The following DST variants were observed in gnomAD, a reference collection of about 807,000 sequenced individuals.
DST encodes dystonin, also known as bullous pemphigoid antigen.
DST carries 253 observed loss-of-function variants against 875.2 expected under a neutral mutation model. That is an observed-to-expected ratio of 0.29 (90% CI 0.26 to 0.32). DST has a LOEUF of 0.32. Among genes scored for constraint, DST ranks in the 10% least tolerant of loss-of-function variants. The pLI is 1.00. For missense variants in DST, 8,287 were observed against 9,111.6 expected (o/e 0.91, Z 3.68); for synonymous variants, 3,124 against 3,197.1 (o/e 0.98, Z 0.77).
At chr6:56,764,294 G>A (rs551679441) in intron 4 of DST, among the ~76,000 whole-genome samples, 1 of 152,216 alleles carries the variant, frequency 6.6e-6, no homozygotes, top group Admixed American at 6.5e-5. Flanking sequence ...TCTCCAAAAC[G>A]TTTTCTCTTC....
chr6:56,734,852 C>T (rs975432326), intron 5 of DST, among the ~76,000 whole-genome samples: 9 of 152,076 alleles, frequency 5.9e-5, no homozygotes, highest in Non-Finnish European at 1.0e-4. Flanking sequence ...CCACATAAAC[C>T]TGAGGCCAGA....
intron 9 of DST, among the ~76,000 whole-genome samples, chr6:56,699,225 C>T (rs2099279693): frequency 6.6e-6 from 1 of 152,144 alleles, no homozygotes; most frequent in Admixed American, 6.5e-5. Flanking sequence ...TTCTTCACAT[C>T]TCTTTATAAT....
intron 73 of DST, 128 bp from the exon 74 acceptor site, chr6:56,510,001 C>A: frequency 1.3e-6 from 1 of 741,964 alleles, no homozygotes; most frequent in Non-Finnish European, 2.1e-6. Flanking sequence ...TCTTTATCAA[C>A]AGACCCATTC....
At chr6:56,924,446 TTATC>T (rs2127747493) in intron 2 of DST, among the ~76,000 whole-genome samples, 2 of 152,318 alleles carry the variant, frequency 1.3e-5, no homozygotes, top group South Asian at 4.1e-4. Context: ...ATATTTGTGT[TTATC>T]TGTATGTATA....
chr6:56,689,326 CCT>C (rs1467023753), intron 9 of DST, among the ~76,000 whole-genome samples: 2 of 152,106 alleles, frequency 1.3e-5, no homozygotes, highest in Admixed American at 1.3e-4. Flanking sequence ...GGTGGCAAAG[CCT>C]GACTAGAAGA....
chr6:56,692,164 A>G (rs1045430785), intron 9 of DST, among the ~76,000 whole-genome samples: 6 of 152,202 alleles, frequency 3.9e-5, no homozygotes, highest in African/African-American at 1.2e-4. Flanking sequence ...AATAATGAAA[A>G]TGTACAGGAT....
At chr6:56,853,030 T>C (rs1164783016) in intron 3 of DST, among the ~76,000 whole-genome samples, 1 of 152,188 alleles carries the variant, frequency 6.6e-6, no homozygotes, top group Admixed American at 6.5e-5. Flanking sequence ...TTTTATTTTA[T>C]TTATTTTTCT....
At chr6:56,668,672 G>A (rs2152824415) in intron 10 of DST, among the ~76,000 whole-genome samples, 2 of 152,148 alleles carry the variant, frequency 1.3e-5, no homozygotes, top group East Asian at 3.9e-4. Flanking sequence ...AGAGGCTGAG[G>A]CAGGAGAATC....
chr6:56,598,432 G>T, intron 46 of DST, 44 bp downstream of exon 46: 1 of 1,189,640 alleles, frequency 8.4e-7, no homozygotes, highest in Non-Finnish European at 1.1e-6. Flanking sequence ...TAGCTGTTAA[G>T]CTTTTTGACA....
intron 61 of DST, among the ~76,000 whole-genome samples, chr6:56,544,414 C>T (rs1023288008): frequency 4.6e-5 from 7 of 152,178 alleles, no homozygotes; most frequent in Non-Finnish European, 7.4e-5. Context: ...CAATATTATT[C>T]TAGGCTTATG....
chr6:56,828,681 T>C (rs1226942282), intron 4 of DST, among the ~76,000 whole-genome samples: 1 of 152,182 alleles, frequency 6.6e-6, no homozygotes, highest in African/African-American at 2.4e-5. Flanking sequence ...GACCCTCCTT[T>C]TCTGGACTTT....
At chr6:56,683,132 C>A (rs1037323342) in intron 9 of DST, among the ~76,000 whole-genome samples, 2 of 152,216 alleles carry the variant, frequency 1.3e-5, no homozygotes, top group African/African-American at 4.8e-5. Context: ...AGATTGATTT[C>A]TGTAGGAAGA....
intron 64 of DST, among the ~76,000 whole-genome samples, chr6:56,531,140 T>C (rs2096889656): frequency 6.6e-6 from 1 of 152,178 alleles, no homozygotes; most frequent in African/African-American, 2.4e-5. Flanking sequence ...CTCTGGATTA[T>C]CACTATCTGT....
At chr6:56,699,867 G>A (rs1396809949) in intron 8 of DST, 122 bp from the exon 9 acceptor site, 8 of 530,174 alleles carry the variant, frequency 1.5e-5, no homozygotes, top group Admixed American at 4.0e-5. Context: ...TTAAACACCA[G>A]TAGTCAACTA....
At chr6:56,501,496 CT>C (rs745699637) in intron 79 of DST, 23 bp downstream of exon 79, 85 of 1,446,544 alleles carry the variant, frequency 5.9e-5, no homozygotes, top group Non-Finnish European at 1.1e-5. Flanking sequence ...TTTATAATTT[CT>C]TAAGAAAAGT....
chr6:56,833,554 C>T (rs1300513977), intron 4 of DST, among the ~76,000 whole-genome samples: 1 of 151,958 alleles, frequency 6.6e-6, no homozygotes, highest in Non-Finnish European at 1.5e-5. Flanking sequence ...ATTTTAGACT[C>T]AAGTGTTATA....
chr6:56,500,840 T>A (rs1318962361), intron 80 of DST, among the ~76,000 whole-genome samples: 1 of 152,158 alleles, frequency 6.6e-6, no homozygotes, highest in Non-Finnish European at 1.5e-5. Flanking sequence ...AAATTGCTCA[T>A]CCTTGTTTTG....
chr6:56,772,283 G>A (rs1231844600), intron 4 of DST, among the ~76,000 whole-genome samples: 1 of 152,164 alleles, frequency 6.6e-6, no homozygotes, highest in Admixed American at 6.6e-5. Context: ...ATTATTTCAT[G>A]TGATGGAAAA....
chr6:56,632,123 T>C lies in DST; in HGVS notation c.3806-83A>G, dbSNP rs933854193. 3.8e-6 allele frequency: 4 copies of C among 1,049,690 alleles called. No individual in the cohort carries two copies. In the African/African-American group the frequency reaches 4.8e-5, roughly 13 times the overall value. The allele number at this position is 1,049,690 out of a possible 1,614,324, so 65.0% of individuals were successfully genotyped here. A position where few individuals can be genotyped will look rare whatever the true frequency, so the allele number is the denominator to read the frequency against. On this transcript the variant is annotated intron_variant, in intron 28 of 103. Transcript: ENST00000680361. ...TTTATGTTTTAATATGAGAATTTTA[T>C]ATTACTGGGACACAGCTAGTCAAGC...
Sources: allele counts gnomAD v4.1 joint callset (sites outside exome capture counted in the v4.1 genomes callset), GRCh38; gene constraint gnomAD v4.1.1; transcripts MANE v1.5; gene names NCBI Gene and HGNC (gene_info 2026-07-23, HGNC 2026-07-21).